Variants in NXPE2 observed in about 807,000 individuals in gnomAD.
NXPE2 encodes the protein NXPE family member 2.
NXPE2 carries 34 observed loss-of-function variants against 34.4 expected under a neutral mutation model. The observed-to-expected ratio is 0.99, with a 90% confidence interval of 0.75 to 1.31. The LOEUF is 1.31. NXPE2 is among the 40% of genes most tolerant of loss of function. The probability of loss-of-function intolerance (pLI) is 0.00; values close to 1 mark genes in which losing one functional copy is unlikely to be tolerated. For synonymous variants in NXPE2, 235 were observed against 231.3 expected (o/e 1.02, Z -0.15); for missense variants, 649 against 672.5 (o/e 0.97, Z 0.39).
At chr11:114,528,764 C>T in the NXPE2 span, 1 of 627,672 alleles carries the variant, frequency 1.6e-6, no homozygotes, top group Admixed American at 2.1e-5. Context: ...AATGAGGACC[C>T]AGGTGCCAAG....
chr11:114,619,044 G>GGTGTGGTATCCAAGTGT, the NXPE2 span, among the ~76,000 whole-genome samples: 1 of 151,984 alleles, frequency 6.6e-6, no homozygotes. Context: ...GTGGCCTCAT[G>GGTGTGGTATCCAAGTGT]GGTAACCACT....
chr11:114,577,876 T>C, the NXPE2 span, among the ~76,000 whole-genome samples: 8 of 152,148 alleles, frequency 5.3e-5, no homozygotes, highest in African/African-American at 1.9e-4. Flanking sequence ...CTTGGGATAA[T>C]ATTAAGTGCC....
the NXPE2 span, among the ~76,000 whole-genome samples, chr11:114,805,561 G>T: frequency 2.0e-5 from 3 of 152,228 alleles, no homozygotes; most frequent in African/African-American, 7.2e-5. Flanking sequence ...TGGCTCAGAG[G>T]GTCCTACGCC....
At chr11:114,694,861 GCCCTAAGTATTAATACCT>G (rs1298923179) in intron 2 of NXPE2, among the ~76,000 whole-genome samples, 1 of 151,212 alleles carries the variant, frequency 6.6e-6, no homozygotes, top group Non-Finnish European at 1.5e-5. Context: ...TTTTATTAGA[GCCCTAAGTATTAATACCT>G]CAATCATAGT....
intron 2 of NXPE2, among the ~76,000 whole-genome samples, chr11:114,691,594 C>T (rs901917664): frequency 2.4e-4 from 37 of 152,150 alleles, no homozygotes; most frequent in African/African-American, 8.9e-4. Context: ...TCTTTCAACC[C>T]ATGCTCCCCA....
the NXPE2 span, among the ~76,000 whole-genome samples, chr11:114,795,749 A>G: frequency 1.3e-5 from 2 of 152,240 alleles, no homozygotes; most frequent in African/African-American, 4.8e-5. Flanking sequence ...GCACCTGTGC[A>G]TGTCTTACAT....
chr11:114,752,989 T>G, the NXPE2 span, among the ~76,000 whole-genome samples: 1 of 151,930 alleles, frequency 6.6e-6, no homozygotes, highest in Non-Finnish European at 1.5e-5. Context: ...ATCGGGGAGA[T>G]GTGGAATAAT....
At chr11:114,641,433 A>G in the NXPE2 span, among the ~76,000 whole-genome samples, 2 of 152,056 alleles carry the variant, frequency 1.3e-5, no homozygotes, top group African/African-American at 4.8e-5. Context: ...GTAAATTGCA[A>G]TGAAATTGCA....
At chr11:114,786,985 T>C in the NXPE2 span, among the ~76,000 whole-genome samples, 4 of 152,128 alleles carry the variant, frequency 2.6e-5, no homozygotes, top group Non-Finnish European at 5.9e-5. Context: ...GAGTGGTGCA[T>C]ATTGCCTGAG....
chr11:114,583,334 C>T, the NXPE2 span: 19 of 621,022 alleles, frequency 3.1e-5, no homozygotes, highest in Non-Finnish European at 5.2e-5. Context: ...TGGACAAGCC[C>T]ACCCAAGGAA....
the NXPE2 span, among the ~76,000 whole-genome samples, chr11:114,755,188 A>G: frequency 2.0e-5 from 3 of 152,192 alleles, no homozygotes; most frequent in African/African-American, 7.2e-5. Context: ...ATTTTCCTAA[A>G]ATAGAATTAA....
At chr11:114,616,914 T>A in the NXPE2 span, among the ~76,000 whole-genome samples, 1 of 146,600 alleles carries the variant, frequency 6.8e-6, no homozygotes, top group African/African-American at 2.8e-5. Flanking sequence ...GGGTAACCAC[T>A]GTTACCTGGT....
the NXPE2 span, chr11:114,513,223 G>T: frequency 5.6e-6 from 3 of 533,668 alleles, no homozygotes; most frequent in Non-Finnish European, 1.1e-5. Flanking sequence ...GCCTCCTGTA[G>T]TGCGTGTCTC....
At chr11:114,674,460 A>T (rs1950835189), upstream of NXPE2, among the ~76,000 whole-genome samples, 1 of 151,744 alleles carries the variant, frequency 6.6e-6, no homozygotes, top group Non-Finnish European at 1.5e-5. Context: ...AGTTGTTAGC[A>T]CTTTAAAATG....
chr11:114,551,528 A>C, the NXPE2 span: 1 of 505,426 alleles, frequency 2.0e-6, no homozygotes, highest in Admixed American at 5.7e-5. Context: ...TACAATGAGA[A>C]GCAGAAAACT....
the NXPE2 span, among the ~76,000 whole-genome samples, chr11:114,732,840 T>TAGTCACTCTTCC: frequency 0.14 from 20,701 of 152,072 alleles, 1,857 homozygotes; most frequent in African/African-American, 0.25. Context: ...CAGATTAATT[T>TAGTCACTCTTCC]AGTGATTCAA....
chr11:114,551,362 A>T, the NXPE2 span: 1 of 1,405,608 alleles, frequency 7.1e-7, no homozygotes, highest in Non-Finnish European at 9.2e-7. Flanking sequence ...AACAACTCAT[A>T]CCCCCAATCC....
the NXPE2 span, among the ~76,000 whole-genome samples, chr11:114,603,083 G>T: frequency 6.6e-6 from 1 of 151,264 alleles, no homozygotes; most frequent in Admixed American, 6.6e-5. Flanking sequence ...ATTACCTAGT[G>T]GATAATAATT....
chr11:114,540,118 A>G, the NXPE2 span, among the ~76,000 whole-genome samples: 133 of 152,258 alleles, frequency 8.7e-4, no homozygotes, highest in African/African-American at 3.0e-3. Context: ...ATCATGCCTG[A>G]CTAATTTTTT....
Sources: gnomAD v4.1 joint callset for allele counts (sites outside exome capture counted in the v4.1 genomes callset) on GRCh38, gnomAD v4.1.1 for gene constraint, MANE v1.5 for transcripts, NCBI Gene and HGNC (gene_info 2026-07-23, HGNC 2026-07-21) for gene names.